Variants in KCTD13 observed in about 807,000 individuals in gnomAD.
KCTD13 encodes the protein potassium channel tetramerization domain containing 13.
Under a neutral mutation model 32.3 loss-of-function variants are expected in KCTD13, and 15 were observed. The observed-to-expected ratio is 0.46, with a 90% confidence interval of 0.31 to 0.71. KCTD13 has a LOEUF of 0.71. Among genes scored for constraint, KCTD13 ranks in the 30% least tolerant of loss-of-function variants. The probability of loss-of-function intolerance (pLI) is 0.05; values close to 1 mark genes in which losing one functional copy is unlikely to be tolerated. For synonymous variants in KCTD13, 189 were observed against 200.1 expected (o/e 0.94, Z 0.47); for missense variants, 337 against 452.6 (o/e 0.74, Z 2.32).
intron 3 of KCTD13, 22 bp from the exon 4 acceptor site, chr16:29,911,889 A>G (rs773865236): frequency 1.2e-6 from 2 of 1,611,680 alleles, no homozygotes. Context: ...GAGAGGATGG[A>G]CGAGAGGGGT....
intron 1 of KCTD13, among the ~76,000 whole-genome samples, chr16:29,925,121 C>T (rs1441884221): frequency 6.6e-6 from 1 of 152,144 alleles, no homozygotes; most frequent in Non-Finnish European, 1.5e-5. Flanking sequence ...TCTCCCACTC[C>T]CAAACTCCAA....
At chr16:29,918,779 T>C (rs2068856469) in intron 2 of KCTD13, among the ~76,000 whole-genome samples, 1 of 152,212 alleles carries the variant, frequency 6.6e-6, no homozygotes, top group Admixed American at 6.5e-5. Context: ...TGCCTCAGCC[T>C]CCTGAGTAGC....
chr16:29,925,673 G>A, intron 1 of KCTD13, 117 bp downstream of exon 1: 1 of 1,013,380 alleles, frequency 9.9e-7, no homozygotes, highest in Non-Finnish European at 1.5e-6. Context: ...CTGAGAATGA[G>A]TTGACTGGAC....
chr16:29,922,120 T>C (rs148466660), intron 2 of KCTD13: 51 of 152,294 alleles, frequency 3.3e-4, no homozygotes, highest in African/African-American at 1.2e-3. Flanking sequence ...CAGAGTACAT[T>C]TCACTAAAAG....
chr16:29,914,992 G>C (rs532750487), intron 2 of KCTD13: 3 of 152,200 alleles, frequency 2.0e-5, no homozygotes, highest in East Asian at 3.9e-4. Flanking sequence ...AAAAAAAAGT[G>C]GGGCAGGGGA....
intron 1 of KCTD13, among the ~76,000 whole-genome samples, chr16:29,925,181 C>T (rs1448006634): frequency 6.6e-6 from 1 of 152,194 alleles, no homozygotes; most frequent in African/African-American, 2.4e-5. Context: ...GAATGCAACA[C>T]TCCAAGAAGG....
chr16:29,917,552 C>A (rs1034049444), intron 2 of KCTD13, among the ~76,000 whole-genome samples: 2 of 151,986 alleles, frequency 1.3e-5, no homozygotes, highest in African/African-American at 4.8e-5. Context: ...GAGACCAAGG[C>A]GGGCGGATCA....
intron 5 of KCTD13, among the ~76,000 whole-genome samples, chr16:29,908,683 CTT>C (rs576706189): frequency 1.7e-4 from 23 of 136,122 alleles, no homozygotes; most frequent in Non-Finnish European, 1.9e-4. Flanking sequence ...CATGCCCGGC[CTT>C]TTTTTTTTTT....
At chr16:29,907,209 C>A (rs1271195807) in intron 5 of KCTD13, 101 bp from the exon 6 acceptor site, 2 of 785,066 alleles carry the variant, frequency 2.5e-6, no homozygotes, top group Non-Finnish European at 4.1e-6. Flanking sequence ...CCTAGCCCTG[C>A]AGTCAGGTCC....
chr16:29,925,005 C>T (rs1344473455), intron 1 of KCTD13, among the ~76,000 whole-genome samples: 1 of 152,206 alleles, frequency 6.6e-6, no homozygotes. Flanking sequence ...GCGTGAGCCA[C>T]CGCACCTGGC....
In KCTD13 at chr16:29,911,606, A is replaced by G. The variant is rs1167762874; in HGVS notation, c.557+209T>C. 6 of 605,972 alleles carry G rather than the reference A, an allele frequency of 9.9e-6. No individual in the cohort carries two copies. In the African/African-American group the frequency reaches 1.1e-4, roughly 11 times the overall value. 37.5% of individuals were successfully genotyped at this position (605,972 alleles called of 1,614,324 possible). A position where few individuals can be genotyped will look rare whatever the true frequency, so the allele number is the denominator to read the frequency against. On this transcript the variant is annotated intron_variant, in intron 4 of 5. Transcript: ENST00000568000. ...GGCTCGCCACTATCACTTTGTCCTCACCCAAACCCATTTACTGATGACTGA... is the reference window on the plus strand; with the variant it reads ...GGCTCGCCACTATCACTTTGTCCTCGCCCAAACCCATTTACTGATGACTGA...
In KCTD13 at chr16:29,906,938, G is replaced by A; in HGVS notation, c.924C>T (p.Ile308=). 9.3e-6 allele frequency: 15 copies of A among 1,614,192 alleles called. No homozygotes were observed. The highest frequency in any genetic ancestry group is 1.6e-4 in the Middle Eastern group (1 of 6,062). ...EENREHRVRR[I]HVRRHITHDE... is the part of the protein sequence containing the mutation. The stretch of plus-strand genomic sequence containing the variant: ...CGTGGGTGATATGGCGCCGGACATG[G>A]ATCCTGCGGACACGGTGCTCTCGGT... Residue 308 remains isoleucine, a synonymous_variant, in exon 6 of 6, where the codon ATC becomes ATT. Transcript: ENST00000568000.
chr16:29,912,062 CG>C lies in KCTD13; in HGVS notation c.415-14del, dbSNP rs2068723335. 1 of 1,578,856 alleles carries C rather than the reference CG, an allele frequency of 6.3e-7. No individual in the cohort carries two copies. Among genetic ancestry groups the C allele is most frequent in the Non-Finnish European group, 8.6e-7 (1 of 1,158,612 alleles). ...TCTCCCTTTTTTGCTGGGGAAGAAGCGGAAGGTGGTTAACAGCACAACCAAA... is the reference window on the plus strand; with the variant it reads ...TCTCCCTTTTTTGCTGGGGAAGAAGCGAAGGTGGTTAACAGCACAACCAAA... On this transcript the variant is annotated splice_polypyrimidine_tract_variant and intron_variant, in intron 2 of 5. Transcript: ENST00000568000.
intron 5 of KCTD13, 144 bp downstream of exon 5, chr16:29,910,828 GGTGGCT>G: frequency 1.5e-6 from 1 of 647,384 alleles, no homozygotes; most frequent in Admixed American, 2.9e-5. Flanking sequence ...ACAGGGATAG[GGTGGCT>G]TGCCCACTGT....
chr16:29,910,418 T>A (rs897059524), intron 5 of KCTD13, among the ~76,000 whole-genome samples: 12 of 151,194 alleles, frequency 7.9e-5, no homozygotes, highest in African/African-American at 1.7e-4. Context: ...ATAATAATAA[T>A]AAATAAATAA....
chr16:29,908,024 A>G (rs1372735467), intron 5 of KCTD13, among the ~76,000 whole-genome samples: 3 of 151,974 alleles, frequency 2.0e-5, no homozygotes, highest in Non-Finnish European at 4.4e-5. Flanking sequence ...ACATCAGGAA[A>G]AGAGATACAT....
chr16:29,914,489 G>A (rs2068774833), intron 2 of KCTD13: 1 of 144,250 alleles, frequency 6.9e-6, no homozygotes, highest in South Asian at 2.2e-4. Flanking sequence ...AAGCTGAAGT[G>A]CAGAGCCACC....
chr16:29,906,437 G>A lies in KCTD13; in HGVS notation c.*435C>T, dbSNP rs2068614012. Reference sequence around the variant, plus strand: ...CGCTGAGCTGGGCAGGCCCAGGCCAGTCTAGTACAAAGTTAAGGAGGTAGG... The same window carrying A: ...CGCTGAGCTGGGCAGGCCCAGGCCAATCTAGTACAAAGTTAAGGAGGTAGG... On this transcript the variant is annotated 3_prime_UTR_variant, in exon 6 of 6. Transcript: ENST00000568000. 2.2e-6 allele frequency: 1 copy of A among 455,670 alleles called. No individual in the cohort carries two copies. The highest frequency in any genetic ancestry group is 6.9e-5 in the East Asian group (1 of 14,458). The allele number at this position is 455,670 out of a possible 1,614,324, so 28.2% of individuals were successfully genotyped here.
chr16:29,915,807 C>T (rs534791029), intron 2 of KCTD13, among the ~76,000 whole-genome samples: 1 of 152,254 alleles, frequency 6.6e-6, no homozygotes, highest in South Asian at 2.1e-4. Context: ...TTTTTCATCA[C>T]ATCCTCAGCT....
Sources: allele counts gnomAD v4.1 joint callset (sites outside exome capture counted in the v4.1 genomes callset), GRCh38; gene constraint gnomAD v4.1.1; transcripts MANE v1.5; gene names NCBI Gene and HGNC (gene_info 2026-07-23, HGNC 2026-07-21).